C10orf90: variants seen among roughly 807,000 people sequenced by gnomAD.
C10orf90 encodes the protein (E2-independent) E3 ubiquitin-conjugating enzyme FATS.
In C10orf90, 56 loss-of-function variants were observed where a neutral mutation model predicts 62.5. The ratio of observed to expected loss-of-function variants is 0.90; its 90% CI spans 0.72 to 1.12. C10orf90 has a LOEUF of 1.12. Among genes scored for constraint, C10orf90 ranks in the 50% most tolerant of loss-of-function variants. C10orf90 has a pLI of 0.00. For synonymous variants in C10orf90, 386 were observed against 340.4 expected, an observed-to-expected ratio of 1.13 and a Z score of -1.47; for missense variants, 970 against 880.4, an observed-to-expected ratio of 1.10 and a Z score of -1.29.
In C10orf90 at chr10:126,456,415, T is replaced by C. The variant is rs1488837601; in HGVS notation, c.2188+2625A>G. Among the ~76,000 whole-genome samples the C allele has an allele frequency of 6.6e-6, 1 of 152,202 alleles. No homozygotes were observed. Among genetic ancestry groups the C allele is most frequent in the Admixed American group, 6.5e-5 (1 of 15,284 alleles). ...GCTGCTTGCCAGGACTGTCTTGGAA[T>C]GTGGGGAGTAAAAGGTACTCAGTTA... On this transcript the variant is annotated intron_variant, in intron 7 of 9. Coordinates refer to ENST00000488181, the MANE Select transcript of C10orf90 (RefSeq NM_001350921.2). The surrounding 1 kb of genome is among the most constrained non-coding windows in gnomAD (Gnocchi z 4.9).
At position 126,453,588 on chromosome 10, in the gene C10orf90, G is replaced by A. The variant is rs949876381; in HGVS notation, c.2188+5452C>T. 3.9e-5 allele frequency among the ~76,000 whole-genome samples: 6 copies of A among 152,160 alleles called. No homozygotes were observed. The highest frequency in any genetic ancestry group is 3.9e-4 in the Admixed American group (6 of 15,278). On this transcript the variant is annotated intron_variant, in intron 7 of 9. Transcript: ENST00000488181. The surrounding 1 kb of genome is among the most constrained non-coding windows in gnomAD (Gnocchi z 4.9). The stretch of plus-strand genomic sequence containing the variant: ...ACCCGGACAGGCGTCCTCAGAGGGG[G>A]AAATGAGCTGAGAACAGAAGGGGGC...
intron 2 of C10orf90, among the ~76,000 whole-genome samples, chr10:126,615,942 C>T (rs955579925): frequency 2.0e-5 from 3 of 152,228 alleles, no homozygotes; most frequent in African/African-American, 7.2e-5. Context: ...GCCACCATCA[C>T]CTTCACTGGT....
intron 4 of C10orf90, among the ~76,000 whole-genome samples, chr10:126,492,458 T>C (rs1343299595): frequency 6.6e-6 from 1 of 152,250 alleles, no homozygotes; most frequent in African/African-American, 2.4e-5. Context: ...GATGTATGCA[T>C]GGGAATGCTT....
At chr10:126,578,772 A>G (rs1352123634) in intron 2 of C10orf90, among the ~76,000 whole-genome samples, 1 of 152,244 alleles carries the variant, frequency 6.6e-6, no homozygotes. Flanking sequence ...AATGAGAATA[A>G]ATGAACACAA....
chr10:126,575,288 G>GA (rs1844587503), intron 2 of C10orf90, among the ~76,000 whole-genome samples: 1 of 151,742 alleles, frequency 6.6e-6, no homozygotes, highest in Admixed American at 6.6e-5. Context: ...GAACTGAGCT[G>GA]AAAAAGAAAT....
chr10:126,591,674 A>G (rs1424122338), intron 2 of C10orf90, among the ~76,000 whole-genome samples: 1 of 152,174 alleles, frequency 6.6e-6, no homozygotes, highest in Non-Finnish European at 1.5e-5. Context: ...TATATTCAAC[A>G]TAGTATTGGA....
intron 2 of C10orf90, among the ~76,000 whole-genome samples, chr10:126,639,833 A>ATTAGAT: frequency 6.6e-6 from 1 of 152,262 alleles, no homozygotes; most frequent in African/African-American, 2.4e-5. Context: ...GTGATAGGCA[A>ATTAGAT]AGGCCAAATT....
chr10:126,603,148 G>A (rs950063154), intron 2 of C10orf90, among the ~76,000 whole-genome samples: 2 of 151,508 alleles, frequency 1.3e-5, no homozygotes, highest in Admixed American at 6.6e-5. Context: ...GTATTAGTCC[G>A]TTCTCACGCT....
At chr10:126,480,680 C>A (rs1010951566) in intron 4 of C10orf90, among the ~76,000 whole-genome samples, 1 of 152,220 alleles carries the variant, frequency 6.6e-6, no homozygotes, top group African/African-American at 2.4e-5. Flanking sequence ...TCAATGAATT[C>A]TTTACCTCCA....
At chr10:126,665,192 C>T (rs762454852) in intron 1 of C10orf90, among the ~76,000 whole-genome samples, 6 of 152,132 alleles carry the variant, frequency 3.9e-5, no homozygotes, top group Non-Finnish European at 8.8e-5. Flanking sequence ...GAGGTAGAGT[C>T]TTCACTGCAG....
intron 8 of C10orf90, among the ~76,000 whole-genome samples, chr10:126,428,070 G>A (rs1283248437): frequency 6.6e-6 from 1 of 151,996 alleles, no homozygotes; most frequent in Non-Finnish European, 1.5e-5. Context: ...AGTCAAAACC[G>A]ACAAAGAAAA....
intron 7 of C10orf90, among the ~76,000 whole-genome samples, chr10:126,439,077 T>C (rs1858127302): frequency 6.6e-6 from 1 of 152,170 alleles, no homozygotes; most frequent in Non-Finnish European, 1.5e-5. Context: ...GAAACCCCCT[T>C]GGCCATAACG....
rs936468606 is a variant in C10orf90, at chr10:126,459,039, C to G, written c.2188+1G>C. ...GTCTCCACAAGCCACCTGCAGCTTA[C>G]CACTCAGAGGATGGGGAATCGTGAA... On this transcript the variant is annotated splice_donor_variant, in intron 7 of 9. Coordinates refer to ENST00000488181, the MANE Select transcript of C10orf90 (RefSeq NM_001350921.2). LOFTEE classifies it high-confidence loss of function. 2.5e-6 allele frequency: 4 copies of G among 1,610,470 alleles called. No homozygotes were observed. The highest frequency in any genetic ancestry group is 3.4e-6 in the Non-Finnish European group (4 of 1,178,612).
At chr10:126,471,354 A>G (rs1231439216) in intron 4 of C10orf90, among the ~76,000 whole-genome samples, 1 of 152,224 alleles carries the variant, frequency 6.6e-6, no homozygotes, top group East Asian at 1.9e-4. Context: ...CTAGACAGTA[A>G]GCAGATTTCT....
At position 126,646,586 on chromosome 10, in the gene C10orf90, T is replaced by G; in HGVS notation, c.292A>C (p.Asn98His). 1 of 450,970 alleles carries G rather than the reference T, an allele frequency of 2.2e-6. No individual in the cohort carries two copies. The highest frequency in any genetic ancestry group is 1.6e-5 in the South Asian group (1 of 63,084). The allele number at this position is 450,970 out of a possible 1,614,324, so 27.9% of individuals were successfully genotyped here. The part of the protein sequence containing the change: ...SPKDHSAWER[N>H]ESLSNAGLRD... The stretch of plus-strand genomic sequence containing the variant: ...TTACCTGCATTGGAAAGACTTTCAT[T>G]TCTTTCCCAGGCAGAATGATCTTTG... Residue 98 changes from asparagine (N) to histidine (H), a missense_variant, in exon 2 of 10, where the codon AAT (asparagine) becomes CAT (histidine). By Grantham distance (68) the Asn-to-His change is moderately conservative. Transcript: ENST00000488181.
chr10:126,496,564 G>T, intron 4 of C10orf90: 2 of 690,560 alleles, frequency 2.9e-6, no homozygotes, highest in Non-Finnish European at 3.6e-6. Context: ...TTCCTAAAGG[G>T]AAACAATATT....
At chr10:126,521,171 TG>T in intron 2 of C10orf90, 1 of 1,016,436 alleles carries the variant, frequency 9.8e-7, no homozygotes, top group Non-Finnish European at 1.4e-6. Flanking sequence ...TAGAGATACC[TG>T]GTTCATCTCC....
chr10:126,447,669 C>T (rs1858873270), intron 7 of C10orf90, among the ~76,000 whole-genome samples: 1 of 152,078 alleles, frequency 6.6e-6, no homozygotes, highest in Non-Finnish European at 1.5e-5. Context: ...AACGATACAT[C>T]CAAGCAAGTG....
intron 2 of C10orf90, among the ~76,000 whole-genome samples, chr10:126,533,949 T>C (rs1053620575): frequency 5.9e-5 from 9 of 152,128 alleles, no homozygotes; most frequent in African/African-American, 1.9e-4. Flanking sequence ...GGGTGGCACC[T>C]TGCCACTGAG....
Sources: allele counts gnomAD v4.1 joint callset (sites outside exome capture counted in the v4.1 genomes callset), GRCh38; gene constraint gnomAD v4.1.1; non-coding constraint Gnocchi (gnomAD v3.1); transcripts MANE v1.5; gene names NCBI Gene and HGNC (gene_info 2026-07-23, HGNC 2026-07-21).